WWOX: variants seen among roughly 807,000 people sequenced by gnomAD.
The protein encoded by WWOX is WW domain containing oxidoreductase.
WWOX carries 69 observed loss-of-function variants against 46.2 expected under a neutral mutation model. The observed-to-expected ratio is 1.49, with a 90% confidence interval of 1.23 to 1.82. The LOEUF is 1.82. Among genes scored for constraint, WWOX ranks in the 40% most tolerant of loss-of-function variants. WWOX has a pLI of 0.00. For synonymous variants in WWOX, 359 were observed against 202.6 expected, an observed-to-expected ratio of 1.77 and a Z score of -6.56; for missense variants, 919 against 542.6, an observed-to-expected ratio of 1.69 and a Z score of -6.89.
At chr16:78,444,476 G>A (rs530668237) in intron 8 of WWOX, among the ~76,000 whole-genome samples, 2 of 151,414 alleles carry the variant, frequency 1.3e-5, no homozygotes, top group African/African-American at 4.9e-5. Flanking sequence ...TAAGAGAATG[G>A]ATATTTTCAT....
intron 8 of WWOX, among the ~76,000 whole-genome samples, chr16:79,190,147 C>G (rs1048819590): frequency 6.6e-6 from 1 of 152,110 alleles, no homozygotes; most frequent in Non-Finnish European, 1.5e-5. Context: ...GCCTCAGCCT[C>G]CCGAGTAGCT....
chr16:79,080,744 A>G (rs1212447306), intron 8 of WWOX, among the ~76,000 whole-genome samples: 2 of 152,182 alleles, frequency 1.3e-5, no homozygotes, highest in East Asian at 3.9e-4. Flanking sequence ...AAGTGGGAGG[A>G]TCGCTTGAAG....
chr16:78,825,931 C>T, intron 8 of WWOX: 1 of 782,516 alleles, frequency 1.3e-6, no homozygotes, highest in Non-Finnish European at 2.1e-6. Context: ...AGGTAGTGCC[C>T]ACCACTCCCA....
intron 8 of WWOX, among the ~76,000 whole-genome samples, chr16:78,907,133 A>T (rs2151249775): frequency 6.6e-6 from 1 of 152,164 alleles, no homozygotes; most frequent in Non-Finnish European, 1.5e-5. Context: ...GGGTTTTTTT[A>T]AGGATAGTTT....
chr16:79,026,348 A>G (rs773777038), intron 8 of WWOX, among the ~76,000 whole-genome samples: 2 of 151,632 alleles, frequency 1.3e-5, no homozygotes, highest in Admixed American at 6.6e-5. Context: ...TCATTAGGTT[A>G]TCAGATCTCA....
intron 8 of WWOX, among the ~76,000 whole-genome samples, chr16:78,794,282 C>G (rs958021426): frequency 1.3e-5 from 2 of 152,178 alleles, no homozygotes; most frequent in East Asian, 1.9e-4. Flanking sequence ...TCTTGGACTT[C>G]CCAGCTTCCA....
intron 8 of WWOX, among the ~76,000 whole-genome samples, chr16:78,698,009 CA>C (rs2142286157): frequency 6.6e-6 from 1 of 152,202 alleles, no homozygotes; most frequent in Non-Finnish European, 1.5e-5. Flanking sequence ...TTTAGTAGGT[CA>C]AGATATACTA....
chr16:78,737,261 C>G (rs950724191), intron 8 of WWOX, among the ~76,000 whole-genome samples: 1 of 151,292 alleles, frequency 6.6e-6, no homozygotes, highest in Non-Finnish European at 1.5e-5. Context: ...CACCATACTT[C>G]GCTAATTTTT....
intron 8 of WWOX, chr16:79,101,476 C>G (rs1158626487): frequency 6.6e-6 from 1 of 152,154 alleles, no homozygotes; most frequent in Non-Finnish European, 1.5e-5. Flanking sequence ...GGGAGAGATT[C>G]TTTCAAAAAT....
At chr16:79,036,737 G>A (rs888536374) in intron 8 of WWOX, among the ~76,000 whole-genome samples, 2 of 152,188 alleles carry the variant, frequency 1.3e-5, no homozygotes, top group Non-Finnish European at 2.9e-5. Context: ...AGTGAGCGAA[G>A]GATTGGGAAG....
intron 6 of WWOX, among the ~76,000 whole-genome samples, chr16:78,421,910 A>G (rs962806599): frequency 1.3e-5 from 2 of 152,200 alleles, no homozygotes; most frequent in African/African-American, 4.8e-5. Flanking sequence ...GAATCTTTCA[A>G]TTCTCATGAT....
At chr16:78,586,089 G>A (rs980911934) in intron 8 of WWOX, among the ~76,000 whole-genome samples, 2 of 152,220 alleles carry the variant, frequency 1.3e-5, no homozygotes, top group South Asian at 4.2e-4. Flanking sequence ...AGGTGTGATG[G>A]CTTATACCTG....
At position 78,113,543 on chromosome 16, in the gene WWOX, G is replaced by A. The variant is rs1476282865; in HGVS notation, c.231-1433G>A. ...GAGGAGTAAGCAAGGGCTTTGGGGG[G>A]AACCTGGAAATTGGCTCCCCTGGCT... On this transcript the variant is annotated intron_variant, in intron 3 of 8. Coordinates refer to ENST00000566780, the MANE Select transcript of WWOX (RefSeq NM_016373.4). 2.6e-5 allele frequency among the ~76,000 whole-genome samples: 4 copies of A among 152,156 alleles called. No homozygotes were observed. The East Asian group carries it at 7.7e-4, about 29-fold the overall frequency.
At chr16:78,520,741 A>G (rs776874396) in intron 8 of WWOX, among the ~76,000 whole-genome samples, 10 of 152,244 alleles carry the variant, frequency 6.6e-5, no homozygotes, top group African/African-American at 1.7e-4. Context: ...ACCACGGCCA[A>G]TGATTCACCC....
intron 8 of WWOX, among the ~76,000 whole-genome samples, chr16:78,779,718 G>T (rs977916136): frequency 9.9e-5 from 15 of 152,184 alleles, no homozygotes. Context: ...TCAGAAGCTT[G>T]TTCTCCTAAC....
At chr16:78,115,215 A>G in intron 4 of WWOX, 61 bp downstream of exon 4, 1 of 1,595,666 alleles carries the variant, frequency 6.3e-7, no homozygotes. Context: ...ACTTAGATCT[A>G]GCTATAATGG....
At chr16:78,262,480 G>C (rs2079266807) in intron 5 of WWOX, among the ~76,000 whole-genome samples, 1 of 152,098 alleles carries the variant, frequency 6.6e-6, no homozygotes, top group African/African-American at 2.4e-5. Flanking sequence ...GCAAACCCTA[G>C]TCCTTATGCT....
Position 78,945,376 on chromosome 16 carries a change from T to G in WWOX, c.1057-266232T>G, listed in dbSNP as rs1156814995. ...ACAATAAGAAGGCTACTTGTCTTTATAATTGTGAAATCCACCCTTAGTTTT... is the reference window on the plus strand; with the variant it reads ...ACAATAAGAAGGCTACTTGTCTTTAGAATTGTGAAATCCACCCTTAGTTTT... On this transcript the variant is annotated intron_variant, in intron 8 of 8. Coordinates refer to ENST00000566780, the MANE Select transcript of WWOX (RefSeq NM_016373.4). Among the ~76,000 whole-genome samples, 3 of 152,218 alleles carry G rather than the reference T, an allele frequency of 2.0e-5. No homozygotes were observed. In the East Asian group the frequency reaches 5.8e-4, roughly 29 times the overall value.
chr16:78,467,416 C>G (rs1054112915), intron 8 of WWOX, among the ~76,000 whole-genome samples: 2 of 152,054 alleles, frequency 1.3e-5, no homozygotes, highest in Non-Finnish European at 2.9e-5. Flanking sequence ...TATTTGAATA[C>G]AAGTCTTATC....
Sources: allele counts gnomAD v4.1 joint callset (sites outside exome capture counted in the v4.1 genomes callset), GRCh38; gene constraint gnomAD v4.1.1; transcripts MANE v1.5; gene names NCBI Gene and HGNC (gene_info 2026-07-23, HGNC 2026-07-21).